Variants in PIP4K2A observed in about 807,000 individuals in gnomAD.
The protein encoded by PIP4K2A is phosphatidylinositol-5-phosphate 4-kinase type 2 alpha, also known as phosphatidylinositol 5-phosphate 4-kinase type-2 alpha.
Under a neutral mutation model 42.9 loss-of-function variants are expected in PIP4K2A, and 14 were observed. That is an observed-to-expected ratio of 0.33 (90% CI 0.22 to 0.51). The LOEUF (loss-of-function observed/expected upper bound fraction) is 0.51. Ranked by LOEUF, PIP4K2A falls within the 20% of genes least tolerant of loss-of-function variation. The probability of loss-of-function intolerance (pLI) is 0.97; values close to 1 mark genes in which losing one functional copy is unlikely to be tolerated. For missense variants in PIP4K2A, 434 were observed against 519.8 expected, an observed-to-expected ratio of 0.83 and a Z score of 1.61; for synonymous variants, 192 against 192.2, an observed-to-expected ratio of 1.00 and a Z score of 0.01.
At chr10:22,664,136 T>TATACAC (rs1839284113) in intron 1 of PIP4K2A, among the ~76,000 whole-genome samples, 1 of 46,294 alleles carries the variant, frequency 2.2e-5, no homozygotes, top group Non-Finnish European at 3.4e-5. Flanking sequence ...TATACATATA[T>TATACAC]ATATACATAT....
intron 7 of PIP4K2A, among the ~76,000 whole-genome samples, chr10:22,544,064 C>CCCTCT (rs952348293): frequency 6.6e-6 from 1 of 152,096 alleles, no homozygotes; most frequent in African/African-American, 2.4e-5. Flanking sequence ...AGCAGCTTTC[C>CCCTCT]CCTCTCCTTT....
At position 22,627,644 on chromosome 10, in the gene PIP4K2A, C is replaced by G. The variant is rs374326673; in HGVS notation, c.145-17927G>C. ...AAAAAAAAAAAAAGATAAGGAAAGC[C>G]ACTGGCTGTGGCTTTGTACAAACCT... On this transcript the variant is annotated intron_variant, in intron 1 of 9. Transcript: ENST00000376573. Among the ~76,000 whole-genome samples the G allele has an allele frequency of 1.3e-3, 152 of 116,872 alleles. 1 individual carries two copies. The highest frequency in any genetic ancestry group is 4.0e-3 in the African/African-American group (132 of 32,758). The allele number at this position is 116,872 out of a possible 152,430, so 76.7% of individuals were successfully genotyped here.
intron 4 of PIP4K2A, among the ~76,000 whole-genome samples, chr10:22,575,399 C>T (rs1837088419): frequency 6.6e-6 from 1 of 152,244 alleles, no homozygotes; most frequent in East Asian, 1.9e-4. Context: ...TCACGAACTA[C>T]CTTTACAGAA....
intron 1 of PIP4K2A, among the ~76,000 whole-genome samples, chr10:22,689,266 A>G (rs1187482768): frequency 6.6e-6 from 1 of 151,996 alleles, no homozygotes; most frequent in Non-Finnish European, 1.5e-5. Flanking sequence ...GCACTCAGTT[A>G]ATAAAGGCCT....
chr10:22,695,483 A>G (rs1174518954), intron 1 of PIP4K2A, among the ~76,000 whole-genome samples: 1 of 152,258 alleles, frequency 6.6e-6, no homozygotes, highest in Non-Finnish European at 1.5e-5. Context: ...TTCTCCCAGT[A>G]CAATCAATAT....
intron 1 of PIP4K2A, among the ~76,000 whole-genome samples, chr10:22,612,846 G>T (rs1180333557): frequency 1.3e-5 from 2 of 152,146 alleles, no homozygotes; most frequent in Admixed American, 6.5e-5. Flanking sequence ...CCGTGGACAG[G>T]TGGGTCTGAA....
intron 2 of PIP4K2A, among the ~76,000 whole-genome samples, chr10:22,609,124 GACC>G (rs1310967820): frequency 6.6e-6 from 1 of 152,288 alleles, no homozygotes; most frequent in Non-Finnish European, 1.5e-5. Context: ...GCTCTCAATG[GACC>G]ACCTAACATA....
At chr10:22,545,034 G>A (rs576029125) in intron 7 of PIP4K2A, among the ~76,000 whole-genome samples, 1 of 152,310 alleles carries the variant, frequency 6.6e-6, no homozygotes, top group South Asian at 2.1e-4. Flanking sequence ...AGCCCCAAAC[G>A]GGGCTCTAAG....
chr10:22,596,359 C>A (rs1482235585), intron 3 of PIP4K2A, among the ~76,000 whole-genome samples: 2 of 152,116 alleles, frequency 1.3e-5, no homozygotes, highest in Non-Finnish European at 2.9e-5. Context: ...TCAGCAGGGG[C>A]CTAATGATGG....
At chr10:22,698,765 A>G (rs1011195847) in intron 1 of PIP4K2A, among the ~76,000 whole-genome samples, 1 of 152,246 alleles carries the variant, frequency 6.6e-6, no homozygotes, top group Non-Finnish European at 1.5e-5. Flanking sequence ...AGACATTGGA[A>G]AGAAACATTA....
intron 1 of PIP4K2A, among the ~76,000 whole-genome samples, chr10:22,639,803 T>C (rs1260526631): frequency 6.6e-6 from 1 of 152,150 alleles, no homozygotes; most frequent in Non-Finnish European, 1.5e-5. Context: ...TTGTATTTCA[T>C]TCACAAAAGC....
intron 1 of PIP4K2A, among the ~76,000 whole-genome samples, chr10:22,613,836 T>A (rs1055165158): frequency 6.6e-6 from 1 of 152,004 alleles, no homozygotes; most frequent in South Asian, 2.1e-4. Context: ...ATGGAGGGTG[T>A]TTGCTGGCTG....
chr10:22,571,468 T>C (rs1251310637), intron 5 of PIP4K2A, among the ~76,000 whole-genome samples: 1 of 152,260 alleles, frequency 6.6e-6, no homozygotes, highest in Non-Finnish European at 1.5e-5. Flanking sequence ...GGTAACACTG[T>C]TATGACTTTT....
At chr10:22,654,730 G>C in intron 1 of PIP4K2A, among the ~76,000 whole-genome samples, 1 of 152,220 alleles carries the variant, frequency 6.6e-6, no homozygotes, top group Non-Finnish European at 1.5e-5. Flanking sequence ...ATTCTGGGCA[G>C]TTAACACCTC....
rs1329724466 is a variant in PIP4K2A, at chr10:22,550,651, G to GTTCT, written c.792+4_792+7dup. 7.1e-7 allele frequency: 1 copy of GTTCT among 1,413,762 alleles called. No homozygotes were observed. Among genetic ancestry groups the GTTCT allele is most frequent in the East Asian group, 2.3e-5 (1 of 43,932 alleles). 87.6% of individuals were successfully genotyped at this position (1,413,762 alleles called of 1,614,324 possible). A position where few individuals can be genotyped will look rare whatever the true frequency, so the allele number is the denominator to read the frequency against. On this transcript the variant is annotated splice_region_variant and intron_variant, in intron 7 of 9. Coordinates refer to ENST00000376573, the MANE Select transcript of PIP4K2A (RefSeq NM_005028.5). ...AATGAGTCTGGCCTCTCCACTGACT[G>GTTCT]TTCTTACCTCAACATCCTTTTTTAG...
intron 1 of PIP4K2A, among the ~76,000 whole-genome samples, chr10:22,713,376 A>G (rs889853806): frequency 6.6e-6 from 1 of 150,508 alleles, no homozygotes; most frequent in Non-Finnish European, 1.5e-5. Context: ...GCCCGCCGGG[A>G]CCCCCGCCTG....
intron 1 of PIP4K2A, among the ~76,000 whole-genome samples, chr10:22,697,834 G>T (rs113080883): frequency 6.6e-6 from 1 of 152,102 alleles, no homozygotes; most frequent in Non-Finnish European, 1.5e-5. Flanking sequence ...TTCTGAAACG[G>T]TTCATGTGAA....
At chr10:22,619,500 G>A (rs906858877) in intron 1 of PIP4K2A, among the ~76,000 whole-genome samples, 3 of 147,456 alleles carry the variant, frequency 2.0e-5, no homozygotes, top group Non-Finnish European at 4.4e-5. Context: ...GCAATGGCAT[G>A]ATCTTAGTTC....
At chr10:22,686,277 C>T (rs1348978205) in intron 1 of PIP4K2A, among the ~76,000 whole-genome samples, 1 of 152,154 alleles carries the variant, frequency 6.6e-6, no homozygotes, top group African/African-American at 2.4e-5. Context: ...ATGTAATCTC[C>T]CAATAGATTC....
Sources: allele counts gnomAD v4.1 joint callset (sites outside exome capture counted in the v4.1 genomes callset), GRCh38; gene constraint gnomAD v4.1.1; transcripts MANE v1.5; gene names NCBI Gene and HGNC (gene_info 2026-07-23, HGNC 2026-07-21).